Variants in MICU1 observed in about 807,000 individuals in gnomAD.
MICU1 encodes calcium uptake protein 1, mitochondrial.
In MICU1, 45 loss-of-function variants were observed where a neutral mutation model predicts 56.8. The observed-to-expected ratio is 0.79, with a 90% CI of 0.62 to 1.02. The LOEUF is 1.02. MICU1 is among the 50% of genes least tolerant of loss of function. MICU1 has a pLI of 0.00. For missense variants in MICU1, 504 were observed against 587.1 expected, an observed-to-expected ratio of 0.86 and a Z score of 1.46; for synonymous variants, 186 against 195.1, an observed-to-expected ratio of 0.95 and a Z score of 0.39.
chr10:72,579,670 T>C (rs922807663), intron 1 of MICU1, among the ~76,000 whole-genome samples: 4 of 152,124 alleles, frequency 2.6e-5, no homozygotes, highest in African/African-American at 9.7e-5. Context: ...AGCATATAAA[T>C]TCAGAGTCAG....
intron 1 of MICU1, among the ~76,000 whole-genome samples, chr10:72,569,220 TATATATATA>T (rs1464012143): frequency 2.7e-4 from 11 of 40,976 alleles, no homozygotes; most frequent in African/African-American, 4.4e-4. Flanking sequence ...TATATATATA[TATATATATA>T]TATATATATT....
At chr10:72,616,290 G>A (rs1234378052) in intron 1 of MICU1, among the ~76,000 whole-genome samples, 3 of 152,128 alleles carry the variant, frequency 2.0e-5, no homozygotes, top group African/African-American at 7.2e-5. Context: ...AATTAGTAGG[G>A]AACAGTTTTG....
chr10:72,447,046 A>G (rs1865127591), intron 8 of MICU1, among the ~76,000 whole-genome samples: 1 of 152,362 alleles, frequency 6.6e-6, no homozygotes, highest in African/African-American at 2.4e-5. Flanking sequence ...TTGCATGTTT[A>G]TAAGAAGAGA....
At chr10:72,548,900 T>C (rs921897088) in intron 4 of MICU1, among the ~76,000 whole-genome samples, 7 of 152,194 alleles carry the variant, frequency 4.6e-5, no homozygotes, top group African/African-American at 1.7e-4. Context: ...TTTTGCCATG[T>C]TGGCCAGGCT....
intron 9 of MICU1, among the ~76,000 whole-genome samples, chr10:72,413,081 C>A (rs1863875310): frequency 6.6e-6 from 1 of 151,942 alleles, no homozygotes; most frequent in South Asian, 2.1e-4. Context: ...CTTGTAATCC[C>A]AGCTACTCGG....
intron 1 of MICU1, among the ~76,000 whole-genome samples, chr10:72,578,142 C>T (rs1251542489): frequency 6.6e-6 from 1 of 152,142 alleles, no homozygotes; most frequent in Admixed American, 6.6e-5. Context: ...GCCACAGCCA[C>T]CCCAGTCTTC....
At chr10:72,380,024 T>C (rs528977330) in intron 10 of MICU1, among the ~76,000 whole-genome samples, 99 of 152,308 alleles carry the variant, frequency 6.5e-4, no homozygotes, top group Admixed American at 1.2e-3. Context: ...ACAAGCCAAG[T>C]GCTTGACAGC....
At chr10:72,595,642 C>T (rs1841360471) in intron 1 of MICU1, among the ~76,000 whole-genome samples, 1 of 152,112 alleles carries the variant, frequency 6.6e-6, no homozygotes, top group Non-Finnish European at 1.5e-5. Flanking sequence ...ACTTTCCTCA[C>T]AAAAACAAAG....
intron 8 of MICU1, among the ~76,000 whole-genome samples, chr10:72,473,486 T>C (rs911773511): frequency 1.3e-5 from 2 of 152,202 alleles, no homozygotes; most frequent in African/African-American, 4.8e-5. Context: ...GGATGGAGGA[T>C]GATCAGAGAC....
At chr10:72,516,042 T>C (rs562161475) in intron 5 of MICU1, among the ~76,000 whole-genome samples, 1 of 152,328 alleles carries the variant, frequency 6.6e-6, no homozygotes, top group Non-Finnish European at 1.5e-5. Flanking sequence ...CATTACAAAA[T>C]TAAAATATAT....
At chr10:72,536,857 C>T (rs1009658893) in intron 4 of MICU1, among the ~76,000 whole-genome samples, 3 of 152,104 alleles carry the variant, frequency 2.0e-5, no homozygotes, top group African/African-American at 7.2e-5. Context: ...AGACTTGCCA[C>T]ATTTCAAGTG....
rs181550145 is a variant in MICU1, at chr10:72,544,811, T to C, written c.493+6368A>G. On this transcript the variant is annotated intron_variant, in intron 4 of 11. Coordinates refer to ENST00000361114, the MANE Select transcript of MICU1 (RefSeq NM_001195518.2). The stretch of plus-strand genomic sequence containing the variant: ...TAATGTCTGTCCTACTCAAGTATGA[T>C]TACTCCAAACTTTCTTGACATTTGG... Among the ~76,000 whole-genome samples, 637 of 152,348 alleles carry C rather than the reference T, an allele frequency of 4.2e-3. 3 individuals are homozygous for C. The highest frequency in any genetic ancestry group is 0.014 in the Middle Eastern group (4 of 294).
At chr10:72,513,987 T>A (rs947037256) in intron 5 of MICU1, among the ~76,000 whole-genome samples, 1 of 152,148 alleles carries the variant, frequency 6.6e-6, no homozygotes, top group Non-Finnish European at 1.5e-5. Context: ...ACTATAAACA[T>A]TTTAAAGTAT....
chr10:72,550,312 G>T (rs1004138362), intron 4 of MICU1, among the ~76,000 whole-genome samples: 1 of 152,056 alleles, frequency 6.6e-6, no homozygotes, highest in African/African-American at 2.4e-5. Context: ...TGCCATACAG[G>T]TTTATAGTCT....
At chr10:72,569,237 A>ATATATATATTTTTTTTTTTT in intron 1 of MICU1, among the ~76,000 whole-genome samples, 3 of 34,378 alleles carry the variant, frequency 8.7e-5, no homozygotes, top group African/African-American at 1.1e-4. Context: ...ATATATATAT[A>ATATATATATTTTTTTTTTTT]TTTTTTTTTT....
chr10:72,495,163 A>G (rs1866795281), intron 6 of MICU1, among the ~76,000 whole-genome samples: 1 of 146,980 alleles, frequency 6.8e-6, no homozygotes, highest in Non-Finnish European at 1.5e-5. Flanking sequence ...TTTTCTTCAA[A>G]TTCATGTTAC....
At position 72,566,197 on chromosome 10, in the gene MICU1, G is replaced by A. The variant is rs112370333; in HGVS notation, c.161+436C>T. On this transcript the variant is annotated intron_variant, in intron 2 of 11. Coordinates refer to ENST00000361114, the MANE Select transcript of MICU1 (RefSeq NM_001195518.2). ...CAAGTAGCAGGGACTACAGGCTCAC[G>A]CCCTGTGTCTGGCTATTTTTTGTAT... 5.6e-3 allele frequency among the ~76,000 whole-genome samples: 852 copies of A among 151,976 alleles called. 5 individuals are homozygous for A. The highest frequency in any genetic ancestry group is 0.01 in the Middle Eastern group (3 of 294).
At chr10:72,546,886 C>T (rs991882180) in intron 4 of MICU1, among the ~76,000 whole-genome samples, 2 of 150,824 alleles carry the variant, frequency 1.3e-5, no homozygotes, top group East Asian at 1.9e-4. Context: ...CCACCACGCT[C>T]GTCTAATTTT....
intron 1 of MICU1, among the ~76,000 whole-genome samples, chr10:72,567,503 T>C (rs1380712218): frequency 6.6e-6 from 1 of 152,104 alleles, no homozygotes; most frequent in Non-Finnish European, 1.5e-5. Flanking sequence ...GATCAGACTG[T>C]GTGGAGAGGG....
Sources: gnomAD v4.1 joint callset for allele counts (sites outside exome capture counted in the v4.1 genomes callset) on GRCh38, gnomAD v4.1.1 for gene constraint, MANE v1.5 for transcripts, NCBI Gene and HGNC (gene_info 2026-07-23, HGNC 2026-07-21) for gene names.